INTS6L: variants seen among roughly 807,000 people sequenced by gnomAD.
The protein encoded by INTS6L is integrator complex subunit 6 like.
In INTS6L, 18 loss-of-function variants were observed where a neutral mutation model predicts 64.7. That is an observed-to-expected ratio of 0.28 (90% CI 0.19 to 0.41). The LOEUF is 0.41. Among genes scored for constraint, INTS6L ranks in the 10% least tolerant of loss-of-function variants. The pLI is 1.00. For synonymous variants in INTS6L, 227 were observed against 235.9 expected, an observed-to-expected ratio of 0.96 and a Z score of 0.34; for missense variants, 533 against 661.0, an observed-to-expected ratio of 0.81 and a Z score of 2.12.
chrX:135,558,467 A>T (rs782554791), intron 9 of INTS6L, among the ~76,000 whole-genome samples: 3 of 112,250 alleles, frequency 2.7e-5, no homozygotes, highest in South Asian at 7.5e-4. Context: ...TTAAGAAGGA[A>T]ATTTTGTGAC....
At chrX:135,570,661 A>G in intron 11 of INTS6L, 115 bp downstream of exon 11, 1 of 840,096 alleles carries the variant, frequency 1.2e-6, no homozygotes, top group South Asian at 3.0e-5. Context: ...TCTACACTTT[A>G]TGGATTAGTA....
intron 17 of INTS6L, 103 bp downstream of exon 17, chrX:135,581,246 C>A: frequency 1.6e-6 from 1 of 610,684 alleles, no homozygotes; most frequent in Non-Finnish European, 2.5e-6. Flanking sequence ...GCTTTTTTCT[C>A]AAACCCTGGC....
chrX:135,548,765 C>G (rs1300438458), intron 6 of INTS6L, among the ~76,000 whole-genome samples: 4 of 111,459 alleles, frequency 3.6e-5, no homozygotes, highest in Non-Finnish European at 5.7e-5. Flanking sequence ...TAAAGTAATG[C>G]TTAAATAAGT....
At position 135,581,012 on chromosome X, in the gene INTS6L, CT is replaced by C. The variant is rs782461616; in HGVS notation, c.2495-35del. 3 of 976,754 alleles carry C rather than the reference CT, an allele frequency of 3.1e-6. No homozygotes were observed. The African/African-American group carries it at 6.0e-5, about 19-fold the overall frequency. 80.5% of individuals were successfully genotyped at this position (976,754 alleles called of 1,213,427 possible). A position where few individuals can be genotyped will look rare whatever the true frequency, so the allele number is the denominator to read the frequency against. On this transcript the variant is annotated intron_variant, in intron 16 of 17. Transcript: ENST00000639893. Reference sequence around the variant, plus strand: ...CAATTAAATTTTATTTCCCATTCATCTTTATAAAAATACTGAAGTTTTTTTA... The same window carrying C: ...CAATTAAATTTTATTTCCCATTCATCTTATAAAAATACTGAAGTTTTTTTA...
intron 2 of INTS6L, among the ~76,000 whole-genome samples, chrX:135,530,834 G>A (rs1233939729): frequency 8.9e-6 from 1 of 112,079 alleles, no homozygotes; most frequent in African/African-American, 3.3e-5. Flanking sequence ...AGTCAGTGGG[G>A]TCTTAACCAG....
rs782014762 is a variant in INTS6L at position 135,552,080 on chromosome X, T to C, written c.993T>C (p.Tyr331=). The C allele has an allele frequency of 5.0e-6, 6 of 1,207,963 alleles. No individual in the cohort carries two copies. The African/African-American group carries it at 5.3e-5, about 11-fold the overall frequency. ...TAGACAAACTTCCTTTTGACAAATA[T>C]GAACTTGAACCTTCGCCCTTAACTC... is the stretch of plus-strand genomic sequence containing the variant. ...MVIDKLPFDK[Y]ELEPSPLTQY... is the part of the protein sequence containing the mutation. The change falls in exon 8 of 18, where the codon TAT becomes TAC. Residue 331 remains tyrosine, a synonymous_variant. Coordinates refer to ENST00000639893, the MANE Select transcript of INTS6L (RefSeq NM_001351601.3).
In INTS6L at chrX:135,547,173, A is replaced by G. The variant is rs1230358909; in HGVS notation, c.650A>G (p.Asn217Ser). The G allele has an allele frequency of 1.7e-6, 2 of 1,208,955 alleles. No individual in the cohort carries two copies. Among genetic ancestry groups the G allele is most frequent in the African/African-American group, 3.5e-5 (2 of 57,241 alleles). The change falls in exon 6 of 18, where the codon AAT becomes AGT. Residue 217 changes from asparagine (N) to serine (S), a missense_variant. Coordinates refer to ENST00000639893, the MANE Select transcript of INTS6L (RefSeq NM_001351601.3). Reference sequence around the variant, plus strand: ...TGTGTGAGAACACAAAGAATGTTGAATCAATGTTTAGAATCTCTAGTTCAA... The same window carrying G: ...TGTGTGAGAACACAAAGAATGTTGAGTCAATGTTTAGAATCTCTAGTTCAA... ...SYCVRTQRML[N>S]QCLESLVQKV...
chrX:135,547,020 TATTTGC>T lies in INTS6L; in HGVS notation c.614-116_614-111del. On this transcript the variant is annotated intron_variant, in intron 5 of 17. Coordinates refer to ENST00000639893, the MANE Select transcript of INTS6L (RefSeq NM_001351601.3). The stretch of plus-strand genomic sequence containing the variant: ...CTGTTGCTTAAGGTCATCATTGGTA[TATTTGC>T]TGCCAATGTAGTTATGATTATTTCA... The T allele has an allele frequency of 2.7e-6, 3 of 1,099,408 alleles. No individual in the cohort carries two copies. The South Asian group carries it at 6.1e-5, about 22-fold the overall frequency. 90.6% of individuals were successfully genotyped at this position (1,099,408 alleles called of 1,213,427 possible).
rs782000826 is a variant in INTS6L, at chrX:135,546,373, A to G, written c.340-7A>G. 3 of 1,101,066 alleles carry G rather than the reference A, an allele frequency of 2.7e-6. No homozygotes were observed. The South Asian group carries it at 6.7e-5, about 25-fold the overall frequency. 90.7% of individuals were successfully genotyped at this position (1,101,066 alleles called of 1,213,427 possible). Reference sequence around the variant, plus strand: ...CATGGCTCTAATGCTTTTTAAATGTATTTTAGGGGAGAAATCCATTTTTTT... The same window carrying G: ...CATGGCTCTAATGCTTTTTAAATGTGTTTTAGGGGAGAAATCCATTTTTTT... On this transcript the variant is annotated splice_polypyrimidine_tract_variant and splice_region_variant and intron_variant, in intron 3 of 17. Coordinates refer to ENST00000639893, the MANE Select transcript of INTS6L (RefSeq NM_001351601.3).
chrX:135,524,806 A>G (rs1388031342), intron 2 of INTS6L, among the ~76,000 whole-genome samples: 1 of 112,235 alleles, frequency 8.9e-6, no homozygotes, highest in Non-Finnish European at 1.9e-5. Context: ...ACTCCTCACT[A>G]TATAGCTGTG....
chrX:135,553,923 C>T (rs1466216822), intron 8 of INTS6L, among the ~76,000 whole-genome samples: 4 of 111,964 alleles, frequency 3.6e-5, no homozygotes, highest in East Asian at 5.6e-4. Context: ...CTTGCTTCTG[C>T]ACTACCCCTT....
intron 15 of INTS6L, 26 bp downstream of exon 15, chrX:135,577,453 T>G (rs782814879): frequency 1.7e-6 from 2 of 1,179,173 alleles, no homozygotes; most frequent in East Asian, 6.0e-5. Context: ...TGTGATTTCC[T>G]TATGGCTCCT....
chrX:135,581,443 C>A, intron 17 of INTS6L, 85 bp from the exon 18 acceptor site: 1 of 699,437 alleles, frequency 1.4e-6, no homozygotes, highest in Non-Finnish European at 2.2e-6. Flanking sequence ...AGATTGTAAG[C>A]TTCGATTTGT....
At chrX:135,556,090 T>A (rs1358148440) in intron 8 of INTS6L, 78 bp from the exon 9 acceptor site, 14 of 990,175 alleles carry the variant, frequency 1.4e-5, no homozygotes, top group Non-Finnish European at 1.9e-5. Context: ...TAGATGCTGC[T>A]ATGGAATGTT....
At chrX:135,574,549 C>T (rs2087173301) in intron 13 of INTS6L, among the ~76,000 whole-genome samples, 1 of 112,048 alleles carries the variant, frequency 8.9e-6, no homozygotes, top group African/African-American at 3.2e-5. Context: ...TGACTATTTA[C>T]AAATTCCATT....
chrX:135,570,691 C>T, intron 11 of INTS6L, 145 bp downstream of exon 11: 1 of 668,819 alleles, frequency 1.5e-6, no homozygotes, highest in Non-Finnish European at 2.1e-6. Context: ...TTCTCTATGG[C>T]TTCTAGCTTC....
chrX:135,548,120 T>C (rs1254238804), intron 6 of INTS6L, among the ~76,000 whole-genome samples: 2 of 110,495 alleles, frequency 1.8e-5, no homozygotes, highest in African/African-American at 6.6e-5. Flanking sequence ...CTGATTTATA[T>C]GTTTTAATTG....
At chrX:135,543,336 G>A (rs1329253734) in intron 2 of INTS6L, among the ~76,000 whole-genome samples, 1 of 111,450 alleles carries the variant, frequency 9.0e-6, no homozygotes, top group Non-Finnish European at 1.9e-5. Context: ...TGTGCCCAGA[G>A]CAATGATAAT....
chrX:135,571,677 G>C (rs1382160453), intron 11 of INTS6L: 1 of 111,738 alleles, frequency 8.9e-6, no homozygotes, highest in African/African-American at 3.3e-5. Flanking sequence ...TGTTGTAAAT[G>C]TTTTGGTTTG....
Sources: allele counts gnomAD v4.1 joint callset (sites outside exome capture counted in the v4.1 genomes callset), GRCh38; gene constraint gnomAD v4.1.1; transcripts MANE v1.5; gene names NCBI Gene and HGNC (gene_info 2026-07-23, HGNC 2026-07-21).